The following TNS3 variants were observed in gnomAD, a reference collection of about 807,000 sequenced individuals.
TNS3 encodes the protein tensin-3.
TNS3 carries 45 observed loss-of-function variants against 140.9 expected under a neutral mutation model. That is an observed-to-expected ratio of 0.32 (90% CI 0.25 to 0.41). The LOEUF (loss-of-function observed/expected upper bound fraction) is 0.41. Among genes scored for constraint, TNS3 ranks in the 10% least tolerant of loss-of-function variants. The pLI is 1.00. For missense variants in TNS3, 1,716 were observed against 1,906.7 expected, an observed-to-expected ratio of 0.90 and a Z score of 1.86; for synonymous variants, 815 against 788.4, an observed-to-expected ratio of 1.03 and a Z score of -0.56.
At chr7:47,415,829 G>T (rs1794051298) in intron 10 of TNS3, among the ~76,000 whole-genome samples, 1 of 152,252 alleles carries the variant, frequency 6.6e-6, no homozygotes, top group Admixed American at 6.5e-5. Context: ...CTAGGAGTCG[G>T]CCTCATGCTT....
At chr7:47,530,838 A>AAAAAAAAAAAATATATAT in intron 1 of TNS3, among the ~76,000 whole-genome samples, 15 of 54,554 alleles carry the variant, frequency 2.7e-4, no homozygotes, top group African/African-American at 1.0e-3. Context: ...AAAAAAAAAA[A>AAAAAAAAAAAATATATAT]ATATATATAT....
intron 1 of TNS3, chr7:47,579,743 T>C: frequency 1.7e-6 from 1 of 581,944 alleles, no homozygotes; most frequent in Non-Finnish European, 2.2e-6. Flanking sequence ...AAGAATTTAC[T>C]TGGTATTTTA....
At chr7:47,536,750 C>G (rs1192478441) in intron 1 of TNS3, among the ~76,000 whole-genome samples, 1 of 152,190 alleles carries the variant, frequency 6.6e-6, no homozygotes, top group Non-Finnish European at 1.5e-5. Flanking sequence ...AGGGTACACA[C>G]GCACCCACGA....
chr7:47,503,388 A>G (rs904565702), intron 3 of TNS3, among the ~76,000 whole-genome samples: 1 of 151,458 alleles, frequency 6.6e-6, no homozygotes, highest in Admixed American at 6.6e-5. Flanking sequence ...CCCCTCCCCA[A>G]CATCTGCTTT....
chr7:47,277,075 T>C lies in TNS3; in HGVS notation c.*1001A>G, dbSNP rs183576737. 3.9e-5 allele frequency: 6 copies of C among 152,014 alleles called. No homozygotes were observed. In the East Asian group the frequency reaches 1.2e-3, roughly 30 times the overall value. 9.4% of individuals were successfully genotyped at this position (152,014 alleles called of 1,614,324 possible). A position where few individuals can be genotyped will look rare whatever the true frequency, so the allele number is the denominator to read the frequency against. Reference sequence around the variant, plus strand: ...CATTCCAATGAGTAAAACATCAGGGTAGGTTGCTTGAGGCAAAGCCACCTT... The same window carrying C: ...CATTCCAATGAGTAAAACATCAGGGCAGGTTGCTTGAGGCAAAGCCACCTT... On this transcript the variant is annotated 3_prime_UTR_variant, in exon 31 of 31. Transcript: ENST00000311160.
At position 47,278,329 on chromosome 7, in the gene TNS3, T is replaced by C. The variant is rs1784963419; in HGVS notation, c.4194-109A>G. On this transcript the variant is annotated intron_variant, in intron 30 of 30. Transcript: ENST00000311160. ...CAGGAGGAATTTTAAGTGGCACCTA[T>C]CAAAAATCAACCACGTGCCCAGCAC... The C allele has an allele frequency of 5.2e-6, 7 of 1,348,102 alleles. No homozygotes were observed. In the East Asian group the frequency reaches 1.5e-4, roughly 29 times the overall value. The allele number at this position is 1,348,102 out of a possible 1,614,324, so 83.5% of individuals were successfully genotyped here.
At chr7:47,577,154 A>G (rs1171783337) in intron 1 of TNS3, among the ~76,000 whole-genome samples, 1 of 152,128 alleles carries the variant, frequency 6.6e-6, no homozygotes, top group Non-Finnish European at 1.5e-5. Context: ...TAGGAGTGGC[A>G]CTTGTAATCG....
intron 4 of TNS3, among the ~76,000 whole-genome samples, chr7:47,479,833 T>G (rs1225251002): frequency 1.3e-5 from 2 of 152,158 alleles, no homozygotes; most frequent in African/African-American, 4.8e-5. Flanking sequence ...CATCCGCAGC[T>G]AGGTTAGAGA....
Position 47,428,313 on chromosome 7 carries a change from T to A in TNS3, c.388A>T (p.Ser130Cys), listed in dbSNP as rs763928169. Reference protein sequence around the residue: ...SYMHFTNVSASADQALDRFAM... With the variant: ...SYMHFTNVSACADQALDRFAM... ...AGCGAGCTGACATCTTCATCCTACC[T>A]GGCTGAGACGTTGGTGAAATGCATG... Residue 130 changes from serine to cysteine, a missense_variant and splice_region_variant, in exon 9 of 31, where the codon AGC becomes TGC. Coordinates refer to ENST00000311160, the MANE Select transcript of TNS3 (RefSeq NM_022748.12). 6.9e-7 allele frequency: 1 copy of A among 1,443,342 alleles called. No homozygotes were observed. Among genetic ancestry groups the A allele is most frequent in the Non-Finnish European group, 9.2e-7 (1 of 1,092,336 alleles). The allele number at this position is 1,443,342 out of a possible 1,614,324, so 89.4% of individuals were successfully genotyped here. A position where few individuals can be genotyped will look rare whatever the true frequency, so the allele number is the denominator to read the frequency against.
chr7:47,470,485 G>A, intron 4 of TNS3: 1 of 985,398 alleles, frequency 1.0e-6, no homozygotes, highest in Non-Finnish European at 1.2e-6. Flanking sequence ...CATCAGACTT[G>A]GCAGCATTCA....
intron 1 of TNS3, chr7:47,539,535 TC>T (rs1228975347): frequency 9.0e-6 from 2 of 221,602 alleles, no homozygotes; most frequent in Admixed American, 1.0e-4. Flanking sequence ...GCTCTTACAC[TC>T]CAGGGTCCTT....
chr7:47,557,731 C>T (rs1012336383), intron 1 of TNS3, among the ~76,000 whole-genome samples: 2 of 152,184 alleles, frequency 1.3e-5, no homozygotes, highest in Admixed American at 6.5e-5. Flanking sequence ...TAACCATCAC[C>T]ACCACTGGGG....
At chr7:47,510,334 C>T (rs986073351) in intron 2 of TNS3, among the ~76,000 whole-genome samples, 3 of 152,184 alleles carry the variant, frequency 2.0e-5, no homozygotes, top group African/African-American at 2.4e-5. Context: ...GAAGACAAAA[C>T]GTATGTGTTC....
intron 1 of TNS3, among the ~76,000 whole-genome samples, chr7:47,565,192 C>T (rs1800403093): frequency 6.6e-6 from 1 of 151,924 alleles, no homozygotes; most frequent in Admixed American, 6.6e-5. Flanking sequence ...ATTCTCCTGC[C>T]TCAGCCTCCT....
In TNS3 at chr7:47,322,539, A is replaced by AACAAAC. The variant is rs138804007; in HGVS notation, c.2651-17537_2651-17536insGTTTGT. On this transcript the variant is annotated intron_variant, in intron 20 of 30. Coordinates refer to ENST00000311160, the MANE Select transcript of TNS3 (RefSeq NM_022748.12). The stretch of plus-strand genomic sequence containing the variant: ...TCCGTATCAAACAAACAAACAAACA[A>AACAAAC]ACACACACACACACACAATCAAAAA... 4.0e-4 allele frequency among the ~76,000 whole-genome samples: 60 copies of AACAAAC among 151,068 alleles called. 1 individual carries two copies. Among genetic ancestry groups the AACAAAC allele is most frequent in the African/African-American group, 1.3e-3 (54 of 41,174 alleles).
chr7:47,542,367 C>G (rs1344581705), intron 1 of TNS3, among the ~76,000 whole-genome samples: 2 of 152,126 alleles, frequency 1.3e-5, no homozygotes, highest in Admixed American at 1.3e-4. Context: ...GCCAGACAAC[C>G]CAAGTGAGGG....
At chr7:47,496,345 C>T (rs976998517) in intron 3 of TNS3, among the ~76,000 whole-genome samples, 2 of 152,128 alleles carry the variant, frequency 1.3e-5, no homozygotes, top group Non-Finnish European at 2.9e-5. Context: ...GCACCTGGGG[C>T]CACATGTGTG....
intron 16 of TNS3, among the ~76,000 whole-genome samples, chr7:47,384,067 T>C (rs1414146884): frequency 6.6e-6 from 1 of 152,190 alleles, no homozygotes; most frequent in Non-Finnish European, 1.5e-5. Context: ...TGCAGGTCCC[T>C]CCAGCCCGTG....
chr7:47,417,256 C>T (rs185633944), intron 10 of TNS3, among the ~76,000 whole-genome samples: 1 of 152,380 alleles, frequency 6.6e-6, no homozygotes, highest in East Asian at 1.9e-4. Context: ...CATGGCCTCT[C>T]CCTGACCCAG....
Sources: allele counts gnomAD v4.1 joint callset (sites outside exome capture counted in the v4.1 genomes callset), GRCh38; gene constraint gnomAD v4.1.1; transcripts MANE v1.5; gene names NCBI Gene and HGNC (gene_info 2026-07-23, HGNC 2026-07-21).